FAM47E: variants seen among roughly 807,000 people sequenced by gnomAD.
FAM47E encodes the protein protein FAM47E.
Under a neutral mutation model 41.6 loss-of-function variants are expected in FAM47E, and 32 were observed. The observed-to-expected ratio is 0.77, with a 90% confidence interval of 0.58 to 1.03. FAM47E has a LOEUF of 1.03. Among genes scored for constraint, FAM47E ranks in the 50% least tolerant of loss-of-function variants. The pLI, the probability that FAM47E is intolerant of heterozygous loss-of-function variation, is 0.00. For synonymous variants in FAM47E, 184 were observed against 188.7 expected, an observed-to-expected ratio of 0.98 and a Z score of 0.20; for missense variants, 424 against 485.4, an observed-to-expected ratio of 0.87 and a Z score of 1.19.
In FAM47E at chr4:76,256,488, C is replaced by T. The variant is rs569500892; in HGVS notation, c.385C>T (p.Leu129Phe). Residue 129 changes from leucine to phenylalanine, a missense_variant, in exon 2 of 8, where the codon CTC (leucine) becomes TTC (phenylalanine). Coordinates refer to ENST00000424749, the MANE Select transcript of FAM47E (RefSeq NM_001136570.3). Reference protein sequence around the residue: ...EAHLTPHPLALYLNLEEAMPI... With the variant: ...EAHLTPHPLAFYLNLEEAMPI... ...CCACCTGACCCCACATCCCTTAGCG[C>T]TCTACCTGAATCTGGAAGAAGCTAT... 60 of 1,551,140 alleles carry T rather than the reference C, an allele frequency of 3.9e-5. No homozygotes were observed. The highest frequency in any genetic ancestry group is 1.2e-4 in the Admixed American group (6 of 50,988).
chr4:76,278,422 C>T (rs1735218075), intron 6 of FAM47E, 198 bp downstream of exon 6: 1 of 520,214 alleles, frequency 1.9e-6, no homozygotes, highest in Non-Finnish European at 3.1e-6. Context: ...AATCTCCTGG[C>T]TTTGTGGTAG....
intron 2 of FAM47E, among the ~76,000 whole-genome samples, chr4:76,232,409 A>G (rs1185875885): frequency 6.6e-6 from 1 of 152,208 alleles, no homozygotes; most frequent in Non-Finnish European, 1.5e-5. Context: ...GCTTATTCTA[A>G]ATCATCTCTT....
At chr4:76,242,525 G>C (rs1216002526) in intron 2 of FAM47E, among the ~76,000 whole-genome samples, 3 of 152,166 alleles carry the variant, frequency 2.0e-5, no homozygotes, top group African/African-American at 7.2e-5. Flanking sequence ...ATGTAAAAAT[G>C]ACCTAATACA....
upstream of FAM47E, among the ~76,000 whole-genome samples, chr4:76,248,386 T>G (rs1325501051): frequency 6.6e-6 from 1 of 152,160 alleles, no homozygotes; most frequent in Non-Finnish European, 1.5e-5. Context: ...AAGAAGTTTG[T>G]AGTTTTAGCT....
At chr4:76,220,717 C>A (rs1447409574) in intron 2 of FAM47E, among the ~76,000 whole-genome samples, 1 of 152,184 alleles carries the variant, frequency 6.6e-6, no homozygotes, top group Non-Finnish European at 1.5e-5. Flanking sequence ...GTAATGGTCC[C>A]TCTTAGAATA....
At chr4:76,255,517 C>T (rs1184414182) in intron 1 of FAM47E, among the ~76,000 whole-genome samples, 1 of 152,098 alleles carries the variant, frequency 6.6e-6, no homozygotes. Context: ...GCCTTTGATC[C>T]CCTGAGTTTA....
At chr4:76,273,356 A>G (rs1342916506) in intron 5 of FAM47E, among the ~76,000 whole-genome samples, 2 of 152,260 alleles carry the variant, frequency 1.3e-5, no homozygotes, top group East Asian at 1.9e-4. Flanking sequence ...GCAGAGAGCA[A>G]AAACATGGAT....
At chr4:76,283,337 G>A (rs991352917) in intron 7 of FAM47E, 44 bp from the exon 8 acceptor site, 1 of 1,241,616 alleles carries the variant, frequency 8.1e-7, no homozygotes, top group Non-Finnish European at 1.2e-6. Flanking sequence ...TACTGTGCAA[G>A]TTTTGTTTGC....
upstream of FAM47E, among the ~76,000 whole-genome samples, chr4:76,247,910 C>CTTTTTTTTTTTTTTTTTTTTTTTTTTT (rs753751295): frequency 1.2e-5 from 1 of 86,844 alleles, no homozygotes; most frequent in African/African-American, 4.2e-5. Context: ...CACTCTCTCT[C>CTTTTTTTTTTTTTTTTTTTTTTTTTTT]TTTTTTTTTT....
At chr4:76,280,148 AGG>A (rs1340075926) in intron 6 of FAM47E, 114 bp from the exon 7 acceptor site, 2 of 624,972 alleles carry the variant, frequency 3.2e-6, no homozygotes, top group African/African-American at 3.7e-5. Context: ...AAAAACAAGA[AGG>A]ATATGGGTTA....
rs11938141 is a variant in FAM47E at position 76,237,582 on chromosome 4, C to T, written c.81+19894C>T. On this transcript the variant is annotated intron_variant, in intron 2 of 7. Coordinates refer to the FAM47E transcript ENST00000510197. The stretch of plus-strand genomic sequence containing the variant: ...TGGACCCTGTGTTAGTCCATTCTCA[C>T]GTTGCTATAAAGAAATAACTGAGAC... 6.0e-3 allele frequency among the ~76,000 whole-genome samples: 913 copies of T among 152,130 alleles called. 12 individuals carry two copies. The highest frequency in any genetic ancestry group is 0.021 in the African/African-American group (866 of 41,512).
intron 2 of FAM47E, among the ~76,000 whole-genome samples, chr4:76,237,886 A>G (rs3919711): frequency 6.6e-5 from 10 of 152,010 alleles, no homozygotes; most frequent in African/African-American, 1.7e-4. Flanking sequence ...TTCCTGAGAA[A>G]TCCACCCCCG....
intron 2 of FAM47E, among the ~76,000 whole-genome samples, chr4:76,227,277 T>C (rs1441013451): frequency 6.6e-6 from 1 of 152,212 alleles, no homozygotes; most frequent in Non-Finnish European, 1.5e-5. Context: ...TTCATTGTTG[T>C]TCCAAAGATC....
At chr4:76,224,910 C>A (rs1328207159) in intron 2 of FAM47E, among the ~76,000 whole-genome samples, 1 of 152,010 alleles carries the variant, frequency 6.6e-6, no homozygotes, top group Non-Finnish European at 1.5e-5. Context: ...GCCTCCTACC[C>A]TTCCCCCCAA....
intron 2 of FAM47E, among the ~76,000 whole-genome samples, chr4:76,256,917 G>T (rs544026850): frequency 6.6e-6 from 1 of 152,276 alleles, no homozygotes; most frequent in South Asian, 2.1e-4. Context: ...GTATTAGGAA[G>T]TGCCCTTAAA....
At chr4:76,256,622 A>G (rs1734204808) in intron 2 of FAM47E, 99 bp downstream of exon 2, 3 of 1,358,136 alleles carry the variant, frequency 2.2e-6, no homozygotes, top group East Asian at 5.1e-5. Flanking sequence ...TGACATATTT[A>G]TAAGAGGAGT....
intron 2 of FAM47E, among the ~76,000 whole-genome samples, chr4:76,220,549 T>C (rs1230344026): frequency 6.6e-6 from 1 of 152,096 alleles, no homozygotes. Context: ...ATTCCTCGAG[T>C]CCAGGAGTTC....
chr4:76,251,831 A>T lies in FAM47E; in HGVS notation c.74+11A>T, dbSNP rs761676406. ...GAACTGCAGGTCCAGGTAAACACTCAGCGCCCGGGCCGAGGGCGCATCCCA... is the reference window on the plus strand; with the variant it reads ...GAACTGCAGGTCCAGGTAAACACTCTGCGCCCGGGCCGAGGGCGCATCCCA... On this transcript the variant is annotated intron_variant, in intron 1 of 7. Transcript: ENST00000424749. The T allele has an allele frequency of 1.9e-5, 27 of 1,444,334 alleles. 1 individual carries two copies. Among genetic ancestry groups the T allele is most frequent in the South Asian group, 1.2e-4 (9 of 73,586 alleles). 89.5% of individuals were successfully genotyped at this position (1,444,334 alleles called of 1,614,324 possible).
intron 1 of FAM47E, 40 bp from the exon 2 acceptor site, chr4:76,256,138 G>A: frequency 6.5e-7 from 1 of 1,529,896 alleles, no homozygotes; most frequent in African/African-American, 1.4e-5. Flanking sequence ...GAACAGGCAT[G>A]TGGTATTCTA....
Sources: allele counts gnomAD v4.1 joint callset (sites outside exome capture counted in the v4.1 genomes callset), GRCh38; gene constraint gnomAD v4.1.1; transcripts MANE v1.5; gene names NCBI Gene and HGNC (gene_info 2026-07-23, HGNC 2026-07-21).